The following ALOX5AP variants were observed in gnomAD, a reference collection of about 807,000 sequenced individuals.
The protein encoded by ALOX5AP is arachidonate 5-lipoxygenase-activating protein.
ALOX5AP carries 9 observed loss-of-function variants against 18.5 expected under a neutral mutation model. That is an observed-to-expected ratio of 0.49 (90% confidence interval 0.29 to 0.85). The LOEUF (loss-of-function observed/expected upper bound fraction) is 0.85, where lower values mean the gene tolerates loss of function less well. Among genes scored for constraint, ALOX5AP ranks in the 40% least tolerant of loss-of-function variants. ALOX5AP has a pLI of 0.08. For missense variants in ALOX5AP, 172 were observed against 202.5 expected (o/e 0.85, Z 0.91); for synonymous variants, 81 against 78.6 (o/e 1.03, Z -0.16).
chr13:30,735,323 C>T (rs1248361685), upstream of ALOX5AP, among the ~76,000 whole-genome samples: 1 of 151,640 alleles, frequency 6.6e-6, no homozygotes, highest in African/African-American at 2.4e-5. Flanking sequence ...GGGAAGTTTC[C>T]CATGACAAGG....
At chr13:30,753,814 G>T (rs1951871049) in intron 3 of ALOX5AP, among the ~76,000 whole-genome samples, 1 of 152,170 alleles carries the variant, frequency 6.6e-6, no homozygotes, top group Admixed American at 6.5e-5. Context: ...ATCTCTGTTA[G>T]CTCATGTTCA....
At position 30,763,894 on chromosome 13, in the gene ALOX5AP, T is replaced by C; in HGVS notation, c.324-50T>C. The C allele has an allele frequency of 1.9e-6, 3 of 1,547,948 alleles. 1 individual carries two copies. The South Asian group carries it at 3.5e-5, about 18-fold the overall frequency. ...GGGTAACATTTTTGTGTGTGTGAAA[T>C]TGGTGTCATTCGCACTGCATCTACA... On this transcript the variant is annotated intron_variant, in intron 4 of 4. Coordinates refer to ENST00000380490, the MANE Select transcript of ALOX5AP (RefSeq NM_001629.4).
intron 1 of ALOX5AP, 37 bp downstream of exon 1, chr13:30,735,712 G>A (rs1951715762): frequency 6.2e-7 from 1 of 1,608,100 alleles, no homozygotes; most frequent in Admixed American, 1.7e-5. Context: ...GAACAGAAGG[G>A]GAGATTTTCT....
At chr13:30,757,899 G>A (rs901565954) in intron 4 of ALOX5AP, among the ~76,000 whole-genome samples, 2 of 152,086 alleles carry the variant, frequency 1.3e-5, no homozygotes, top group African/African-American at 2.4e-5. Context: ...AATATAAATG[G>A]CCTGCCTTCT....
At chr13:30,726,095 C>A (rs1417206081) in intron 1 of ALOX5AP, among the ~76,000 whole-genome samples, 2 of 152,156 alleles carry the variant, frequency 1.3e-5, no homozygotes, top group Non-Finnish European at 1.5e-5. Context: ...ATTCCTGTAA[C>A]TTTGGGCTCT....
At chr13:30,719,593 G>A (rs895731270) in intron 1 of ALOX5AP, among the ~76,000 whole-genome samples, 2 of 152,152 alleles carry the variant, frequency 1.3e-5, no homozygotes, top group African/African-American at 4.8e-5. Context: ...AGGTTGGTTA[G>A]GGCATTTCCA....
At chr13:30,763,250 G>C (rs1411828875) in intron 4 of ALOX5AP, among the ~76,000 whole-genome samples, 6 of 152,350 alleles carry the variant, frequency 3.9e-5, no homozygotes, top group Non-Finnish European at 7.3e-5. Flanking sequence ...TGAGGTTGCA[G>C]TGAGCCGAGA....
At chr13:30,735,457 A>AAT (rs1261442046), upstream of ALOX5AP, 2 of 1,264,556 alleles carry the variant, frequency 1.6e-6, no homozygotes, top group Non-Finnish European at 1.0e-6. Context: ...AAAAAAAAAA[A>AAT]AAGGAAGAAG....
chr13:30,735,587 T>C lies in ALOX5AP; in HGVS notation c.-19T>C, dbSNP rs1440095267. The C allele has an allele frequency of 6.2e-7, 1 of 1,614,076 alleles. No individual in the cohort carries two copies. The highest frequency in any genetic ancestry group is 8.5e-7 in the Non-Finnish European group (1 of 1,179,994). On this transcript the variant is annotated 5_prime_UTR_variant, in exon 1 of 5. Coordinates refer to ENST00000380490, the MANE Select transcript of ALOX5AP (RefSeq NM_001629.4). ...CAGCTGGAGGCAGAGCAGTCCTCTC[T>C]GGGGAGCCTGAAGCAAACATGGATC...
chr13:30,739,577 A>G (rs896298095), intron 1 of ALOX5AP, among the ~76,000 whole-genome samples: 1 of 152,172 alleles, frequency 6.6e-6, no homozygotes, highest in Non-Finnish European at 1.5e-5. Flanking sequence ...TAGGACTACA[A>G]GCATGTGCCA....
intron 1 of ALOX5AP, among the ~76,000 whole-genome samples, 178 bp from the exon 2 acceptor site, chr13:30,743,882 A>G: frequency 6.6e-6 from 1 of 152,116 alleles, no homozygotes; most frequent in Non-Finnish European, 1.5e-5. Flanking sequence ...CACCAAACAC[A>G]GTGTTCAGTA....
chr13:30,727,178 A>C (rs1427128744), intron 1 of ALOX5AP, among the ~76,000 whole-genome samples: 1 of 151,480 alleles, frequency 6.6e-6, no homozygotes, highest in East Asian at 1.9e-4. Context: ...CTCAGCCTCC[A>C]GAGTAGCTGG....
intron 2 of ALOX5AP, among the ~76,000 whole-genome samples, chr13:30,749,651 T>A (rs942036286): frequency 6.6e-6 from 1 of 152,212 alleles, no homozygotes; most frequent in Non-Finnish European, 1.5e-5. Context: ...TTGGAGCTCC[T>A]ACCGTGTCCA....
chr13:30,735,436 A>AC (rs1490600967), upstream of ALOX5AP: 2 of 3,212 alleles, frequency 6.2e-4, no homozygotes, highest in African/African-American at 0.015. Context: ...TGGTTAGTTA[A>AC]AAAAAAAAAA....
chr13:30,747,050 G>T (rs1478132247), intron 2 of ALOX5AP, among the ~76,000 whole-genome samples: 1 of 152,222 alleles, frequency 6.6e-6, no homozygotes, highest in African/African-American at 2.4e-5. Context: ...TGGCTCATCG[G>T]CTCAGACTTG....
At chr13:30,723,872 C>A (rs1217052208) in intron 1 of ALOX5AP, among the ~76,000 whole-genome samples, 1 of 152,134 alleles carries the variant, frequency 6.6e-6, no homozygotes, top group African/African-American at 2.4e-5. Context: ...GTAGCTGGGA[C>A]TACAGGTGCA....
At chr13:30,756,310 C>T (rs978452437) in intron 4 of ALOX5AP, among the ~76,000 whole-genome samples, 1 of 152,090 alleles carries the variant, frequency 6.6e-6, no homozygotes, top group Non-Finnish European at 1.5e-5. Flanking sequence ...GCCTTGCAGC[C>T]CCACACCCTG....
chr13:30,743,905 T>G (rs1190930927), intron 1 of ALOX5AP, among the ~76,000 whole-genome samples, 155 bp from the exon 2 acceptor site: 4 of 152,182 alleles, frequency 2.6e-5, no homozygotes, highest in Admixed American at 2.6e-4. Context: ...GAGCAGCTGC[T>G]GAGTACGTTT....
intron 1 of ALOX5AP, among the ~76,000 whole-genome samples, chr13:30,729,838 A>T (rs772123473): frequency 6.6e-6 from 1 of 152,120 alleles, no homozygotes. Context: ...GGCCTCCCAC[A>T]GTTTTGTGAT....
Sources: gnomAD v4.1 joint callset for allele counts (sites outside exome capture counted in the v4.1 genomes callset) on GRCh38, gnomAD v4.1.1 for gene constraint, MANE v1.5 for transcripts, NCBI Gene and HGNC (gene_info 2026-07-23, HGNC 2026-07-21) for gene names.